EPB41L2: variants seen among roughly 807,000 people sequenced by gnomAD.
EPB41L2 encodes the protein band 4.1-like protein 2.
In EPB41L2, 43 loss-of-function variants were observed where a neutral mutation model predicts 113.0. That is an observed-to-expected ratio of 0.38 (90% CI 0.30 to 0.49). The LOEUF (loss-of-function observed/expected upper bound fraction) is 0.49. Among genes scored for constraint, EPB41L2 ranks in the 20% least tolerant of loss-of-function variants. EPB41L2 has a pLI of 0.95. For missense variants in EPB41L2, 1,147 were observed against 1,223.4 expected, an observed-to-expected ratio of 0.94 and a Z score of 0.93; for synonymous variants, 442 against 436.7, an observed-to-expected ratio of 1.01 and a Z score of -0.15.
intron 1 of EPB41L2, among the ~76,000 whole-genome samples, chr6:131,059,909 T>G (rs534629565): frequency 2.0e-5 from 3 of 152,158 alleles, no homozygotes; most frequent in African/African-American, 7.2e-5. Flanking sequence ...TAAATAAAGG[T>G]GGGATGGAGG....
chr6:130,872,321 T>A (rs745946853), intron 14 of EPB41L2: 1 of 1,221,104 alleles, frequency 8.2e-7, no homozygotes, highest in South Asian at 1.4e-5. Flanking sequence ...AAAATGAAAA[T>A]CTCTCTCATA....
At chr6:130,846,969 T>A (rs1777240465) in intron 19 of EPB41L2, among the ~76,000 whole-genome samples, 1 of 152,244 alleles carries the variant, frequency 6.6e-6, no homozygotes, top group Admixed American at 6.5e-5. Flanking sequence ...TGAACCAGTA[T>A]CTTGATTTCT....
intron 1 of EPB41L2, among the ~76,000 whole-genome samples, chr6:130,985,911 C>A (rs1212971847): frequency 6.6e-6 from 1 of 152,032 alleles, no homozygotes; most frequent in Non-Finnish European, 1.5e-5. Context: ...AGGTGTACAA[C>A]CAGCACCACA....
chr6:130,857,549 C>CTT lies in EPB41L2; in HGVS notation c.*5+580_*5+581dup, dbSNP rs10557309. Among the ~76,000 whole-genome samples the CTT allele has an allele frequency of 1.5e-3, 109 of 72,848 alleles. 14 individuals carry two copies. Among genetic ancestry groups the CTT allele is most frequent in the African/African-American group, 3.6e-3 (61 of 17,150 alleles). The allele number at this position is 72,848 out of a possible 152,430, so 47.8% of individuals were successfully genotyped here. On this transcript the variant is annotated intron_variant, in intron 19 of 19. Coordinates refer to ENST00000337057, the MANE Select transcript of EPB41L2 (RefSeq NM_001431.4). ...CTTTCTGGTTCATTCTCAGATGTAT[C>CTT]TTTTTTTTTTTTTTTTTTTTTTTTT...
At chr6:130,936,093 G>A (rs1438208605) in intron 3 of EPB41L2, among the ~76,000 whole-genome samples, 1 of 152,148 alleles carries the variant, frequency 6.6e-6, no homozygotes, top group Non-Finnish European at 1.5e-5. Context: ...CAGTTGCTCA[G>A]CCATTCATAA....
chr6:130,847,836 C>T (rs558797523), intron 19 of EPB41L2, among the ~76,000 whole-genome samples: 2 of 152,240 alleles, frequency 1.3e-5, no homozygotes, highest in South Asian at 2.1e-4. Context: ...GATATAAAAG[C>T]GTTCTACAAA....
intron 14 of EPB41L2, among the ~76,000 whole-genome samples, chr6:130,877,469 G>C (rs1175417141): frequency 6.6e-6 from 1 of 152,066 alleles, no homozygotes; most frequent in Non-Finnish European, 1.5e-5. Context: ...ATATCCTGAA[G>C]GCAATATGTA....
chr6:130,974,851 G>A (rs145056834), intron 1 of EPB41L2, among the ~76,000 whole-genome samples: 8,303 of 147,422 alleles, frequency 0.056, 310 homozygotes, highest in Non-Finnish European at 0.084. Flanking sequence ...TCAGGCTCCC[G>A]AGTTCAAGCG....
At chr6:130,848,777 T>C (rs1205044511) in intron 19 of EPB41L2, among the ~76,000 whole-genome samples, 1 of 152,148 alleles carries the variant, frequency 6.6e-6, no homozygotes, top group East Asian at 1.9e-4. Context: ...ATAGTAAAAT[T>C]CCCCTCTGAT....
chr6:130,861,874 C>CCAAAAA lies in EPB41L2; in HGVS notation c.2910+1763_2910+1764insTTTTTG, dbSNP rs1554238944. On this transcript the variant is annotated intron_variant, in intron 18 of 19. Transcript: ENST00000337057. ...GCACCAGAGGGAGACTCCATCTCCCCAAAAAAAAAAAAAAAGTTTATGCTA... is the reference window on the plus strand; with the variant it reads ...GCACCAGAGGGAGACTCCATCTCCCCCAAAAAAAAAAAAAAAAAAAAGTTTATGCTA... 5.0e-3 allele frequency among the ~76,000 whole-genome samples: 606 copies of CCAAAAA among 120,676 alleles called. 4 individuals carry two copies. The highest frequency in any genetic ancestry group is 4.7e-3 in the Non-Finnish European group (269 of 57,616). The allele number at this position is 120,676 out of a possible 152,430, so 79.2% of individuals were successfully genotyped here.
chr6:130,850,036 G>A (rs1187030614), intron 19 of EPB41L2, among the ~76,000 whole-genome samples: 3 of 152,194 alleles, frequency 2.0e-5, no homozygotes, highest in South Asian at 2.1e-4. Flanking sequence ...TCAGGAGTTC[G>A]AGACCAGCCT....
intron 4 of EPB41L2, among the ~76,000 whole-genome samples, chr6:130,924,688 T>C (rs1804049838): frequency 6.6e-6 from 1 of 152,178 alleles, no homozygotes; most frequent in African/African-American, 2.4e-5. Context: ...CCACTAGTTC[T>C]ATTTTTAATT....
chr6:131,029,645 T>A (rs1257317680), intron 1 of EPB41L2, among the ~76,000 whole-genome samples: 1 of 152,230 alleles, frequency 6.6e-6, no homozygotes, highest in Non-Finnish European at 1.5e-5. Context: ...CATGGAATCC[T>A]GAATGTGATT....
rs376057046 is a variant in EPB41L2 at position 130,993,477 on chromosome 6, G to A, written c.-14-36978C>T. ...GTAGCAACACACTGTTTTAATGAGC[G>A]CCTGGGTGCAGGTGGGCTGAGGCTT... is the stretch of plus-strand genomic sequence containing the variant. On this transcript the variant is annotated intron_variant, in intron 1 of 19. Transcript: ENST00000337057. 4.6e-5 allele frequency among the ~76,000 whole-genome samples: 7 copies of A among 152,300 alleles called. No homozygotes were observed. The East Asian group carries it at 7.7e-4, about 17-fold the overall frequency.
At chr6:130,971,118 A>C (rs1776665937) in intron 1 of EPB41L2, among the ~76,000 whole-genome samples, 1 of 152,048 alleles carries the variant, frequency 6.6e-6, no homozygotes, top group Non-Finnish European at 1.5e-5. Context: ...GCTGATCTCC[A>C]ACTCCAGGAC....
chr6:130,999,340 G>A (rs1783833050), intron 1 of EPB41L2, among the ~76,000 whole-genome samples: 1 of 152,172 alleles, frequency 6.6e-6, no homozygotes, highest in South Asian at 2.1e-4. Context: ...CTTAATATAT[G>A]TTGGGCAGAA....
chr6:130,895,183 A>T (rs1794260375), intron 8 of EPB41L2, 64 bp from the exon 9 acceptor site: 1 of 1,508,270 alleles, frequency 6.6e-7, no homozygotes, highest in African/African-American at 1.4e-5. Flanking sequence ...TCAAGAAGCT[A>T]ATTAGCTCCC....
intron 3 of EPB41L2, among the ~76,000 whole-genome samples, chr6:130,948,728 G>A (rs1425040951): frequency 6.6e-6 from 1 of 152,140 alleles, no homozygotes; most frequent in Non-Finnish European, 1.5e-5. Flanking sequence ...AGAGAGTCAT[G>A]AGAAATTCTA....
At chr6:130,973,135 G>C (rs1406303460) in intron 1 of EPB41L2, among the ~76,000 whole-genome samples, 1 of 151,880 alleles carries the variant, frequency 6.6e-6, no homozygotes, top group Admixed American at 6.6e-5. Context: ...AGTAAGGTTT[G>C]CTTAATGGGA....
Sources: gnomAD v4.1 joint callset for allele counts (sites outside exome capture counted in the v4.1 genomes callset) on GRCh38, gnomAD v4.1.1 for gene constraint, MANE v1.5 for transcripts, NCBI Gene and HGNC (gene_info 2026-07-23, HGNC 2026-07-21) for gene names.